Variants in SNTG1 observed in about 807,000 individuals in gnomAD.
SNTG1 encodes gamma-1-syntrophin.
In SNTG1, 39 loss-of-function variants were observed where a neutral mutation model predicts 74.7. The ratio of observed to expected loss-of-function variants is 0.52; its 90% CI spans 0.40 to 0.68. The LOEUF is 0.68. Ranked by LOEUF, SNTG1 falls within the 30% of genes least tolerant of loss-of-function variation. SNTG1 has a pLI of 0.00. For synonymous variants in SNTG1, 254 were observed against 217.1 expected (o/e 1.17, Z -1.49); for missense variants, 685 against 609.5 (o/e 1.12, Z -1.30).
chr8:50,053,561 A>G (rs1420436205), intron 1 of SNTG1, among the ~76,000 whole-genome samples: 1 of 151,672 alleles, frequency 6.6e-6, no homozygotes, highest in East Asian at 1.9e-4. Context: ...AGTGAACTTC[A>G]TGGTTTACAA....
chr8:50,093,953 C>A (rs777224484), intron 1 of SNTG1, among the ~76,000 whole-genome samples: 25 of 152,060 alleles, frequency 1.6e-4, no homozygotes, highest in Non-Finnish European at 7.4e-5. Flanking sequence ...GAGGACATTA[C>A]TTGAGATAGA....
At chr8:50,225,146 A>AT (rs1037437676) in intron 2 of SNTG1, among the ~76,000 whole-genome samples, 2 of 151,508 alleles carry the variant, frequency 1.3e-5, no homozygotes, top group African/African-American at 4.9e-5. Context: ...AATTTTTTGT[A>AT]TTTTTTTAGT....
chr8:49,933,796 T>C (rs1377716106), intron 1 of SNTG1, among the ~76,000 whole-genome samples: 1 of 152,236 alleles, frequency 6.6e-6, no homozygotes, highest in Non-Finnish European at 1.5e-5. Context: ...CCATTCACTT[T>C]TATTCAACCT....
At chr8:50,494,931 T>G (rs2093890736) in intron 8 of SNTG1, among the ~76,000 whole-genome samples, 1 of 152,110 alleles carries the variant, frequency 6.6e-6, no homozygotes, top group Non-Finnish European at 1.5e-5. Flanking sequence ...AGTGATTTAT[T>G]ATTATTGTAT....
intron 2 of SNTG1, among the ~76,000 whole-genome samples, chr8:50,368,489 G>C (rs2092179380): frequency 6.6e-6 from 1 of 152,146 alleles, no homozygotes; most frequent in African/African-American, 2.4e-5. Flanking sequence ...ACAACACTAA[G>C]AGTGCAACTG....
At chr8:50,438,703 A>G in intron 5 of SNTG1, 104 bp downstream of exon 5, 10 of 901,346 alleles carry the variant, frequency 1.1e-5, no homozygotes, top group Non-Finnish European at 1.8e-5. Context: ...GGATGGCTAT[A>G]GCAAACTCCT....
chr8:50,426,821 A>G (rs981871938), intron 4 of SNTG1, among the ~76,000 whole-genome samples: 3 of 151,922 alleles, frequency 2.0e-5, no homozygotes, highest in African/African-American at 7.3e-5. Context: ...AAATACAACA[A>G]TAAGAAGTAA....
chr8:50,577,851 A>G (rs1475357874), intron 12 of SNTG1, among the ~76,000 whole-genome samples: 1 of 152,224 alleles, frequency 6.6e-6, no homozygotes, highest in East Asian at 1.9e-4. Flanking sequence ...ATACAAAGAA[A>G]GAGGTTAAAT....
In SNTG1 at chr8:50,497,575, A is replaced by G. The variant is rs145520238; in HGVS notation, c.364-5203A>G. Among the ~76,000 whole-genome samples, 274 of 152,194 alleles carry G rather than the reference A, an allele frequency of 1.8e-3. 4 individuals are homozygous for G. Among genetic ancestry groups the G allele is most frequent in the African/African-American group, 6.2e-3 (259 of 41,572 alleles). On this transcript the variant is annotated intron_variant, in intron 8 of 18. Coordinates refer to ENST00000642720, the MANE Select transcript of SNTG1 (RefSeq NM_018967.5). ...AATTCATTCTAAGCCAAAAAAAGCA[A>G]AAGAAAAAACACTGGAAATTTCAAT...
intron 1 of SNTG1, among the ~76,000 whole-genome samples, chr8:49,944,468 A>T (rs1808977571): frequency 6.6e-6 from 1 of 150,632 alleles, no homozygotes; most frequent in South Asian, 2.1e-4. Flanking sequence ...TCAGTAAACT[A>T]TCGCAAGGAC....
intron 15 of SNTG1, among the ~76,000 whole-genome samples, chr8:50,676,207 A>G (rs2095309124): frequency 6.6e-6 from 1 of 151,760 alleles, no homozygotes; most frequent in Non-Finnish European, 1.5e-5. Flanking sequence ...GTTCTCCTGG[A>G]TATTATCTTG....
chr8:50,090,824 G>T (rs1314325699), intron 1 of SNTG1, among the ~76,000 whole-genome samples: 1 of 152,040 alleles, frequency 6.6e-6, no homozygotes, highest in Non-Finnish European at 1.5e-5. Flanking sequence ...GAAACAGACA[G>T]CATATGAATA....
At chr8:50,792,440 G>A (rs1390340249) in intron 18 of SNTG1, among the ~76,000 whole-genome samples, 1 of 151,682 alleles carries the variant, frequency 6.6e-6, no homozygotes, top group Admixed American at 6.6e-5. Flanking sequence ...TTCATAGATG[G>A]TAAGAGTGAT....
chr8:49,934,854 G>A (rs1807914607), intron 1 of SNTG1, among the ~76,000 whole-genome samples: 1 of 151,798 alleles, frequency 6.6e-6, no homozygotes, highest in South Asian at 2.1e-4. Flanking sequence ...TAGCTCAAAT[G>A]GGATAGGATT....
At chr8:50,394,092 C>G in intron 2 of SNTG1, 120 bp from the exon 3 acceptor site, 1 of 649,500 alleles carries the variant, frequency 1.5e-6, no homozygotes. Flanking sequence ...TTGTTCCTTA[C>G]AAGTGGTTGT....
At chr8:50,283,887 A>C (rs973787611) in intron 2 of SNTG1, among the ~76,000 whole-genome samples, 1 of 152,192 alleles carries the variant, frequency 6.6e-6, no homozygotes, top group African/African-American at 2.4e-5. Flanking sequence ...GAGAATTTCT[A>C]AATGCCCCTG....
chr8:50,643,643 TTTATTTGA>T (rs2095088049), intron 13 of SNTG1, among the ~76,000 whole-genome samples: 1 of 152,236 alleles, frequency 6.6e-6, no homozygotes, highest in African/African-American at 2.4e-5. Context: ...CTTTTTGAAA[TTTATTTGA>T]TTAAGATTCC....
chr8:50,548,370 A>G (rs1392498454), intron 11 of SNTG1, among the ~76,000 whole-genome samples: 2 of 152,178 alleles, frequency 1.3e-5, no homozygotes, highest in African/African-American at 2.4e-5. Context: ...AAAAATAATA[A>G]GGTAATTTGG....
At chr8:50,626,702 G>A (rs1019498632) in intron 13 of SNTG1, among the ~76,000 whole-genome samples, 7 of 152,136 alleles carry the variant, frequency 4.6e-5, no homozygotes, top group Middle Eastern at 3.2e-3. Flanking sequence ...GCCTTTAAGC[G>A]GTTTTCTGCC....
Sources: gnomAD v4.1 joint callset for allele counts (sites outside exome capture counted in the v4.1 genomes callset) on GRCh38, gnomAD v4.1.1 for gene constraint, MANE v1.5 for transcripts, NCBI Gene and HGNC (gene_info 2026-07-23, HGNC 2026-07-21) for gene names.